STEAP1B: variants seen among roughly 807,000 people sequenced by gnomAD.
The protein encoded by STEAP1B is STEAP family protein MGC87042.
Under a neutral mutation model 27.9 loss-of-function variants are expected in STEAP1B, and 13 were observed. That is an observed-to-expected ratio of 0.47 (90% CI 0.30 to 0.74). The LOEUF (loss-of-function observed/expected upper bound fraction) is 0.74, where lower values mean the gene tolerates loss of function less well. Ranked by LOEUF, STEAP1B falls within the 30% of genes least tolerant of loss-of-function variation. STEAP1B has a pLI of 0.06. For synonymous variants in STEAP1B, 86 were observed against 107.1 expected (o/e 0.80, Z 1.22); for missense variants, 250 against 298.7 (o/e 0.84, Z 1.20).
intron 4 of STEAP1B, among the ~76,000 whole-genome samples, chr7:22,468,911 G>A (rs545469830): frequency 6.6e-6 from 1 of 152,266 alleles, no homozygotes; most frequent in East Asian, 1.9e-4. Flanking sequence ...CACTGCACAT[G>A]CAATTATGTA....
At chr7:22,425,789 A>G (rs1785098013) in intron 4 of STEAP1B, among the ~76,000 whole-genome samples, 1 of 152,248 alleles carries the variant, frequency 6.6e-6, no homozygotes, top group African/African-American at 2.4e-5. Context: ...AATCCTTAAG[A>G]AAATAGGCCT....
intron 4 of STEAP1B, among the ~76,000 whole-genome samples, chr7:22,437,057 A>T (rs1473804796): frequency 6.6e-6 from 1 of 152,252 alleles, no homozygotes; most frequent in Non-Finnish European, 1.5e-5. Flanking sequence ...CAACACAGTG[A>T]ACAGACAACA....
At chr7:22,469,254 A>T (rs1395267790) in intron 4 of STEAP1B, among the ~76,000 whole-genome samples, 1 of 152,172 alleles carries the variant, frequency 6.6e-6, no homozygotes, top group Non-Finnish European at 1.5e-5. Flanking sequence ...TTTAATATAT[A>T]AAAAAGCTTG....
intron 4 of STEAP1B, among the ~76,000 whole-genome samples, chr7:22,488,721 A>G (rs1488055805): frequency 3.3e-5 from 5 of 152,208 alleles, no homozygotes; most frequent in Non-Finnish European, 7.3e-5. Flanking sequence ...ACCACTGCTG[A>G]CTGGCACCCA....
At chr7:22,449,040 G>C (rs927571785) in intron 4 of STEAP1B, among the ~76,000 whole-genome samples, 2 of 152,132 alleles carry the variant, frequency 1.3e-5, no homozygotes, top group Non-Finnish European at 2.9e-5. Context: ...ATGTATTTAT[G>C]GAGTACATGA....
chr7:22,497,449 G>C (rs1253526126), intron 1 of STEAP1B, among the ~76,000 whole-genome samples: 3 of 152,156 alleles, frequency 2.0e-5, no homozygotes, highest in African/African-American at 7.2e-5. Context: ...TTTTCAGTTA[G>C]ACAGTCAACA....
At chr7:22,436,714 G>A (rs1583631058) in intron 4 of STEAP1B, among the ~76,000 whole-genome samples, 1 of 152,250 alleles carries the variant, frequency 6.6e-6, no homozygotes, top group East Asian at 1.9e-4. Flanking sequence ...TCCCTGTAAA[G>A]GACATGCTCT....
intron 4 of STEAP1B, among the ~76,000 whole-genome samples, chr7:22,441,854 A>G (rs2128402143): frequency 6.6e-6 from 1 of 152,364 alleles, no homozygotes; most frequent in Admixed American, 6.5e-5. Context: ...GTGAACTGAA[A>G]TACTGCTTTG....
Position 22,493,333 on chromosome 7 carries a change from T to C in STEAP1B, c.588A>G (p.Ala196=), listed in dbSNP as rs764285341. 11 of 1,611,428 alleles carry C rather than the reference T, an allele frequency of 6.8e-6. No individual in the cohort carries two copies. Among genetic ancestry groups the C allele is most frequent in the Non-Finnish European group, 8.5e-6 (10 of 1,177,774 alleles). ...RSYRYKLLNW[A]YQQVQQNKED... is the part of the protein sequence containing the mutation. ...ATCATTGTCATCTCACCTGTTGATA[T>C]GCCCAGTTTAGCAACTTGTATCTGT... The change falls in exon 3 of 5, where the codon GCA becomes GCG. Residue 196 remains alanine, a synonymous_variant. Coordinates refer to ENST00000678116, the MANE Select transcript of STEAP1B (RefSeq NM_001382447.1).
chr7:22,455,575 T>C (rs1436198733), intron 4 of STEAP1B, among the ~76,000 whole-genome samples: 2 of 152,246 alleles, frequency 1.3e-5, no homozygotes, highest in African/African-American at 4.8e-5. Context: ...TATTAAGTTG[T>C]CTTTTTCTTA....
chr7:22,437,044 T>G (rs566888832), intron 4 of STEAP1B, among the ~76,000 whole-genome samples: 1 of 152,326 alleles, frequency 6.6e-6, no homozygotes, highest in Admixed American at 6.5e-5. Context: ...CAAAGGAAAC[T>G]ATCAACACAG....
chr7:22,497,999 T>C (rs981845530), intron 1 of STEAP1B, among the ~76,000 whole-genome samples: 3 of 152,170 alleles, frequency 2.0e-5, no homozygotes, highest in African/African-American at 7.2e-5. Flanking sequence ...CAGGCAATAG[T>C]TAGATTCTCA....
intron 4 of STEAP1B, among the ~76,000 whole-genome samples, chr7:22,449,294 C>T (rs151048172): frequency 6.6e-6 from 1 of 152,330 alleles, no homozygotes; most frequent in African/African-American, 2.4e-5. Context: ...CCATCCCAAA[C>T]ACTACCCTTC....
At chr7:22,441,857 C>T (rs1785339185) in intron 4 of STEAP1B, among the ~76,000 whole-genome samples, 1 of 152,248 alleles carries the variant, frequency 6.6e-6, no homozygotes, top group African/African-American at 2.4e-5. Context: ...AACTGAAATA[C>T]TGCTTTGGAG....
chr7:22,495,173 T>C (rs549713951), intron 1 of STEAP1B, among the ~76,000 whole-genome samples: 1 of 152,352 alleles, frequency 6.6e-6, no homozygotes, highest in Non-Finnish European at 1.5e-5. Flanking sequence ...CCTTTTACTT[T>C]AGGAAGATTT....
intron 4 of STEAP1B, among the ~76,000 whole-genome samples, chr7:22,439,104 C>T (rs962141795): frequency 5.9e-5 from 9 of 152,090 alleles, no homozygotes; most frequent in Admixed American, 3.3e-4. Context: ...ACGTGAAAAC[C>T]AGACCCTAAT....
chr7:22,423,882 A>T (rs2128398362), intron 4 of STEAP1B, among the ~76,000 whole-genome samples: 1 of 152,296 alleles, frequency 6.6e-6, no homozygotes, highest in Non-Finnish European at 1.5e-5. Flanking sequence ...TACAAAAATT[A>T]GCTGGGTGTG....
At chr7:22,469,610 CACTT>C (rs1249172467) in intron 4 of STEAP1B, among the ~76,000 whole-genome samples, 1 of 152,106 alleles carries the variant, frequency 6.6e-6, no homozygotes, top group Admixed American at 6.5e-5. Flanking sequence ...GAAAGACAAA[CACTT>C]ACCACCGTGA....
chr7:22,480,345 C>T (rs146717230), intron 4 of STEAP1B, among the ~76,000 whole-genome samples: 79 of 152,268 alleles, frequency 5.2e-4, no homozygotes, highest in African/African-American at 1.7e-3. Flanking sequence ...TTCCTGAGGA[C>T]CAACACTATT....
Sources: allele counts gnomAD v4.1 joint callset (sites outside exome capture counted in the v4.1 genomes callset), GRCh38; gene constraint gnomAD v4.1.1; transcripts MANE v1.5; gene names NCBI Gene and HGNC (gene_info 2026-07-23, HGNC 2026-07-21).